Variants in XKR9 observed in about 807,000 individuals in gnomAD.
XKR9 encodes the protein XK related 9, also known as XK-related protein 9.
Under a neutral mutation model 32.0 loss-of-function variants are expected in XKR9, and 32 were observed. The observed-to-expected ratio is 1.00, with a 90% CI of 0.76 to 1.34. XKR9 has a LOEUF of 1.34. XKR9 is among the 40% of genes most tolerant of loss of function. The probability of loss-of-function intolerance (pLI) is 0.00; values close to 1 mark genes in which losing one functional copy is unlikely to be tolerated. For missense variants in XKR9, 546 were observed against 429.7 expected (o/e 1.27, Z -2.39); for synonymous variants, 168 against 143.4 (o/e 1.17, Z -1.22).
the XKR9 span, among the ~76,000 whole-genome samples, chr8:70,805,406 C>T: frequency 2.6e-5 from 4 of 152,168 alleles, no homozygotes; most frequent in Non-Finnish European, 5.9e-5. Context: ...GGAGGGGTGA[C>T]CAGCACCACA....
chr8:70,706,991 A>G lies in XKR9; in HGVS notation c.331A>G (p.Ser111Gly), dbSNP rs776014695. 1 of 1,613,406 alleles carries G rather than the reference A, an allele frequency of 6.2e-7. No individual in the cohort carries two copies. Among genetic ancestry groups the G allele is most frequent in the Non-Finnish European group, 8.5e-7 (1 of 1,179,452 alleles). ...AGCTTTTAAATATGACAGCAATACT[A>G]GTAACTTCGTGGAAGAACAAATTGA... Reference protein sequence around the residue: ...HAAFKYDSNTSNFVEEQIDLH... With the variant: ...HAAFKYDSNTGNFVEEQIDLH... Residue 111 changes from serine (S) to glycine (G), a missense_variant, in exon 4 of 5, where the codon AGT becomes GGT. Physicochemically the swap from Ser to Gly is moderately conservative, Grantham distance 56 (BLOSUM62 0). Transcript: ENST00000408926.
the XKR9 span, among the ~76,000 whole-genome samples, chr8:70,959,410 A>G: frequency 1.2e-4 from 19 of 152,342 alleles, no homozygotes; most frequent in East Asian, 3.5e-3. Context: ...AATGTCCTCC[A>G]GTATTCCATC....
At chr8:71,032,808 G>A in the XKR9 span, among the ~76,000 whole-genome samples, 7 of 152,232 alleles carry the variant, frequency 4.6e-5, no homozygotes, top group Admixed American at 4.6e-4. Context: ...ATATTGGCTG[G>A]GTGCAGTGGC....
the XKR9 span, among the ~76,000 whole-genome samples, chr8:70,985,124 A>G: frequency 7.2e-5 from 11 of 152,360 alleles, no homozygotes; most frequent in Admixed American, 3.9e-4. Flanking sequence ...GATATTTAAT[A>G]TGAAAACATT....
intron 2 of XKR9, among the ~76,000 whole-genome samples, chr8:70,784,393 T>C (rs1807656006): frequency 7.1e-6 from 1 of 141,776 alleles, no homozygotes; most frequent in African/African-American, 2.6e-5. Context: ...GATTTTTTTA[T>C]AGTTTTTAGT....
intron 4 of XKR9, among the ~76,000 whole-genome samples, chr8:70,722,543 CCTTTA>C (rs1806318229): frequency 6.6e-6 from 1 of 152,084 alleles, no homozygotes; most frequent in Admixed American, 6.6e-5. Context: ...TTTTATTTCT[CCTTTA>C]CTTATGAAAC....
the XKR9 span, among the ~76,000 whole-genome samples, chr8:70,869,040 T>G: frequency 1.3e-5 from 2 of 152,226 alleles, no homozygotes; most frequent in Non-Finnish European, 2.9e-5. Flanking sequence ...TTCCTCATTT[T>G]CATCCGAGAC....
At chr8:71,019,561 A>G in the XKR9 span, among the ~76,000 whole-genome samples, 1 of 152,144 alleles carries the variant, frequency 6.6e-6, no homozygotes, top group Non-Finnish European at 1.5e-5. Context: ...TTTCCTTTAG[A>G]GTCTTTAGGA....
the XKR9 span, among the ~76,000 whole-genome samples, chr8:70,826,746 G>A: frequency 7.3e-4 from 111 of 152,218 alleles, no homozygotes; most frequent in African/African-American, 2.5e-3. Flanking sequence ...ATGGAGCTTA[G>A]CTGTTTAATA....
chr8:70,681,135 T>C lies in XKR9; in HGVS notation c.77T>C (p.Ile26Thr), dbSNP rs754654052. 1 of 1,613,300 alleles carries C rather than the reference T, an allele frequency of 6.2e-7. No homozygotes were observed. The highest frequency in any genetic ancestry group is 8.5e-7 in the Non-Finnish European group (1 of 1,179,356). Residue 26 changes from isoleucine to threonine, a missense_variant, in exon 3 of 5, where the codon ATA becomes ACA. Physicochemically the swap from Ile to Thr is moderately conservative, Grantham distance 89. Transcript: ENST00000408926. ...IIYVTDLIVD[I>T]WVSVRFFHEG... ...TACGTAACTGATTTAATTGTGGACA[T>C]ATGGGTATCTGTCAGATTTTTCCAT...
At chr8:70,783,646 C>T (rs927222587) in intron 2 of XKR9, among the ~76,000 whole-genome samples, 3 of 152,042 alleles carry the variant, frequency 2.0e-5, no homozygotes, top group Non-Finnish European at 2.9e-5. Context: ...TATTTTCTCC[C>T]AATTTGTATA....
the XKR9 span, among the ~76,000 whole-genome samples, chr8:70,876,888 ACTG>A: frequency 6.6e-6 from 1 of 152,100 alleles, no homozygotes; most frequent in African/African-American, 2.4e-5. Context: ...ATAATGTAGT[ACTG>A]TTGTGTAAAA....
At chr8:71,008,483 G>T in the XKR9 span, among the ~76,000 whole-genome samples, 33 of 152,202 alleles carry the variant, frequency 2.2e-4, no homozygotes, top group African/African-American at 7.9e-4. Context: ...GCTGTGGCTG[G>T]CCCCCAGATC....
chr8:70,796,180 A>T, the XKR9 span, among the ~76,000 whole-genome samples: 1 of 152,050 alleles, frequency 6.6e-6, no homozygotes, highest in Non-Finnish European at 1.5e-5. Context: ...AGCATAGTAC[A>T]AGAAGTAGTT....
chr8:71,033,889 T>C, the XKR9 span, among the ~76,000 whole-genome samples: 1 of 152,236 alleles, frequency 6.6e-6, no homozygotes, highest in East Asian at 1.9e-4. Flanking sequence ...CAACCTCAGG[T>C]ATTATGTTAT....
intron 3 of XKR9, among the ~76,000 whole-genome samples, chr8:70,694,785 C>T (rs914596815): frequency 6.6e-6 from 1 of 152,204 alleles, no homozygotes; most frequent in Non-Finnish European, 1.5e-5. Context: ...CTGTTCAGCC[C>T]CATAGATTCA....
At chr8:70,918,249 T>G in the XKR9 span, among the ~76,000 whole-genome samples, 2 of 152,072 alleles carry the variant, frequency 1.3e-5, no homozygotes, top group African/African-American at 4.8e-5. Context: ...TATCCAGAGA[T>G]TAGGGGAGGC....
the XKR9 span, among the ~76,000 whole-genome samples, chr8:70,820,517 T>A: frequency 6.6e-6 from 1 of 152,216 alleles, no homozygotes; most frequent in Non-Finnish European, 1.5e-5. Flanking sequence ...TGCCAGGCTC[T>A]TTTTAACAAC....
At chr8:70,939,046 A>G in the XKR9 span, among the ~76,000 whole-genome samples, 1 of 151,704 alleles carries the variant, frequency 6.6e-6, no homozygotes, top group South Asian at 2.1e-4. Context: ...CATCATTGAC[A>G]GCTATCATGT....
Sources: gnomAD v4.1 joint callset for allele counts (sites outside exome capture counted in the v4.1 genomes callset) on GRCh38, gnomAD v4.1.1 for gene constraint, MANE v1.5 for transcripts, NCBI Gene and HGNC (gene_info 2026-07-23, HGNC 2026-07-21) for gene names.